GIGYF2: variants seen among roughly 807,000 people sequenced by gnomAD.
GIGYF2 encodes GRB10-interacting GYF protein 2.
Under a neutral mutation model 208.1 loss-of-function variants are expected in GIGYF2, and 25 were observed. The ratio of observed to expected loss-of-function variants is 0.12; its 90% confidence interval spans 0.09 to 0.17. The LOEUF is 0.17. GIGYF2 is among the 10% of genes least tolerant of loss of function. The pLI, the probability that GIGYF2 is intolerant of heterozygous loss-of-function variation, is 1.00. For synonymous variants in GIGYF2, 534 were observed against 543.8 expected (o/e 0.98, Z 0.25); for missense variants, 1,302 against 1,579.4 (o/e 0.82, Z 2.98).
chr2:232,822,541 C>T (rs796225990), intron 21 of GIGYF2, among the ~76,000 whole-genome samples: 21 of 152,252 alleles, frequency 1.4e-4, no homozygotes, highest in African/African-American at 4.1e-4. Context: ...ATTAGCTGGG[C>T]GTGGTGGCGT....
chr2:232,720,097 C>CGACTT (rs1696869190), intron 2 of GIGYF2, among the ~76,000 whole-genome samples: 1 of 152,174 alleles, frequency 6.6e-6, no homozygotes, highest in Non-Finnish European at 1.5e-5. Flanking sequence ...CTCCCCAAGT[C>CGACTT]CCCCATCCTA....
intron 8 of GIGYF2, among the ~76,000 whole-genome samples, chr2:232,782,160 AAAAC>A (rs899432316): frequency 2.0e-5 from 3 of 152,322 alleles, no homozygotes; most frequent in Non-Finnish European, 4.4e-5. Context: ...ATGTTTGAGT[AAAAC>A]AAACAAGCAA....
At chr2:232,746,215 A>G (rs547541993) in intron 3 of GIGYF2, among the ~76,000 whole-genome samples, 13 of 152,118 alleles carry the variant, frequency 8.5e-5, no homozygotes, top group African/African-American at 2.9e-4. Flanking sequence ...TCACTTTACT[A>G]ATGCATATTT....
intron 2 of GIGYF2, chr2:232,705,409 A>AT (rs892765042): frequency 6.9e-6 from 1 of 145,508 alleles, no homozygotes; most frequent in Non-Finnish European, 1.5e-5. Flanking sequence ...ATTTATTTTT[A>AT]TTTTTTTATT....
chr2:232,817,168 G>A, intron 20 of GIGYF2, 136 bp downstream of exon 20: 1 of 762,808 alleles, frequency 1.3e-6, no homozygotes, highest in Admixed American at 1.9e-5. Flanking sequence ...CTCACCTTTG[G>A]AAAGAATCTC....
intron 2 of GIGYF2, among the ~76,000 whole-genome samples, chr2:232,728,511 G>C (rs1697308894): frequency 1.3e-5 from 2 of 152,190 alleles, no homozygotes; most frequent in African/African-American, 4.8e-5. Context: ...GAGAGTTTCA[G>C]ATGATCTAGG....
chr2:232,711,622 G>C (rs1574776055), intron 2 of GIGYF2, among the ~76,000 whole-genome samples: 1 of 147,798 alleles, frequency 6.8e-6, no homozygotes, highest in Non-Finnish European at 1.5e-5. Context: ...AAGGCAACTG[G>C]GTTATATTTG....
At chr2:232,753,697 C>T (rs1698420679) in intron 5 of GIGYF2, among the ~76,000 whole-genome samples, 1 of 152,122 alleles carries the variant, frequency 6.6e-6, no homozygotes, top group Non-Finnish European at 1.5e-5. Context: ...ATATCCCTGT[C>T]TACATTATAT....
In GIGYF2 at chr2:232,850,312, C is replaced by A. The variant is rs1285543306; in HGVS notation, c.3735C>A (p.Thr1245=). 1.2e-6 allele frequency: 2 copies of A among 1,613,054 alleles called. No homozygotes were observed. Among genetic ancestry groups the A allele is most frequent in the Non-Finnish European group, 1.7e-6 (2 of 1,179,246 alleles). ...GTACACTCCATTCAGTATTTCAGACCAATCAAAGCAACAACCAACAATCCA... is the reference window on the plus strand; with the variant it reads ...GTACACTCCATTCAGTATTTCAGACAAATCAAAGCAACAACCAACAATCCA... ...NHSTLHSVFQ[T]NQSNNQQSNF... Residue 1245 remains threonine, a synonymous_variant, in exon 28 of 29, where the codon ACC becomes ACA. Transcript: ENST00000373563.
chr2:232,833,829 T>TTA (rs1231583881), intron 22 of GIGYF2, among the ~76,000 whole-genome samples: 1 of 152,062 alleles, frequency 6.6e-6, no homozygotes, highest in African/African-American at 2.4e-5. Flanking sequence ...TTATTGAAAG[T>TTA]TACATTAAGA....
At chr2:232,732,282 C>T (rs897663844) in intron 2 of GIGYF2, among the ~76,000 whole-genome samples, 6 of 152,168 alleles carry the variant, frequency 3.9e-5, no homozygotes, top group African/African-American at 1.2e-4. Context: ...TCATCAGTAT[C>T]GGTAGCAAAC....
intron 4 of GIGYF2, 77 bp downstream of exon 4, chr2:232,747,821 A>G (rs529218374): frequency 7.3e-7 from 1 of 1,373,698 alleles, no homozygotes; most frequent in South Asian, 1.2e-5. Context: ...ATACATGAAA[A>G]CTGATTTATT....
intron 20 of GIGYF2, among the ~76,000 whole-genome samples, chr2:232,818,083 AAT>A (rs1700968609): frequency 6.6e-6 from 1 of 152,114 alleles, no homozygotes; most frequent in African/African-American, 2.4e-5. Flanking sequence ...TGACACTTTT[AAT>A]GAGCATCAAG....
intron 8 of GIGYF2, among the ~76,000 whole-genome samples, chr2:232,769,453 C>T (rs1313692986): frequency 6.8e-6 from 1 of 147,608 alleles, no homozygotes; most frequent in Admixed American, 6.9e-5. Context: ...TTGCAGTGAG[C>T]CAAGTTTGTA....
At chr2:232,732,169 G>A (rs1442580862) in intron 2 of GIGYF2, among the ~76,000 whole-genome samples, 2 of 152,098 alleles carry the variant, frequency 1.3e-5, no homozygotes, top group East Asian at 3.8e-4. Context: ...AAATTTAGTC[G>A]TTTGATGCTT....
At chr2:232,811,699 AAAAGGT>A (rs957070965) in intron 17 of GIGYF2, among the ~76,000 whole-genome samples, 13 of 152,198 alleles carry the variant, frequency 8.5e-5, no homozygotes, top group South Asian at 2.1e-4. Flanking sequence ...GCCACACCAC[AAAAGGT>A]TGTAATTTTC....
chr2:232,722,449 C>G (rs1010767985), intron 2 of GIGYF2: 9 of 152,194 alleles, frequency 5.9e-5, no homozygotes, highest in African/African-American at 1.9e-4. Flanking sequence ...TCCCCCTGGT[C>G]TCTCCCTTGA....
At position 232,809,789 on chromosome 2, in the gene GIGYF2, C is replaced by T; in HGVS notation, c.1876C>T (p.Gln626Ter). 1 of 1,596,216 alleles carries T rather than the reference C, an allele frequency of 6.3e-7. No homozygotes were observed. Among genetic ancestry groups the T allele is most frequent in the Non-Finnish European group, 8.6e-7 (1 of 1,163,650 alleles). Reference sequence around the variant, plus strand: ...AGCCTTATACCAGATGCAGCACCTGCAGTACCAGCAGTTTTTAATACAGTA... The same window carrying T: ...AGCCTTATACCAGATGCAGCACCTGTAGTACCAGCAGTTTTTAATACAGTA... Reference protein sequence around the residue: ...LTALYQMQHLQYQQFLIQQQY... With the variant: ...LTALYQMQHL The change falls in exon 16 of 29, where the codon CAG becomes TAG. Residue 626 changes from glutamine (Q) to a stop codon, truncating the protein, a stop_gained. Transcript: ENST00000373563. LOFTEE classifies it high-confidence loss of function.
intron 27 of GIGYF2, among the ~76,000 whole-genome samples, chr2:232,848,149 GT>G (rs1224049553): frequency 6.6e-6 from 1 of 152,106 alleles, no homozygotes; most frequent in Admixed American, 6.5e-5. Flanking sequence ...ACATAACCTT[GT>G]TTTATGTGTG....
Sources: allele counts gnomAD v4.1 joint callset (sites outside exome capture counted in the v4.1 genomes callset), GRCh38; gene constraint gnomAD v4.1.1; transcripts MANE v1.5; gene names NCBI Gene and HGNC (gene_info 2026-07-23, HGNC 2026-07-21).